The following ATXN2 variants were observed in gnomAD, a reference collection of about 807,000 sequenced individuals.
ATXN2 encodes ataxin 2, also known as ataxin-2.
A neutral mutation model predicts 138.6 loss-of-function variants in ATXN2; 37 were observed. The observed-to-expected ratio is 0.27, with a 90% CI of 0.21 to 0.35. The LOEUF (loss-of-function observed/expected upper bound fraction) is 0.35. Ranked by LOEUF, ATXN2 falls within the 10% of genes least tolerant of loss-of-function variation. The pLI is 1.00. For missense variants in ATXN2, 1,216 were observed against 1,480.3 expected, an observed-to-expected ratio of 0.82 and a Z score of 2.93; for synonymous variants, 549 against 543.7, an observed-to-expected ratio of 1.01 and a Z score of -0.13.
At position 111,528,996 on chromosome 12, in the gene ATXN2, T is replaced by TG. The variant is rs561257138; in HGVS notation, c.572-3681dup. 2.0e-5 allele frequency among the ~76,000 whole-genome samples: 3 copies of TG among 152,260 alleles called. No individual in the cohort carries two copies. The South Asian group carries it at 6.2e-4, about 32-fold the overall frequency. On this transcript the variant is annotated intron_variant, in intron 5 of 24. Transcript: ENST00000673436. ...GTTTTTGTTTTTGTTTTTTCAGAGA[T>TG]GGGGTCTTTGTCACTCATGCTGGAG...
intron 1 of ATXN2, among the ~76,000 whole-genome samples, chr12:111,556,815 C>T (rs922774016): frequency 1.7e-5 from 1 of 58,498 alleles, no homozygotes. Context: ...GACTCTGTCT[C>T]AAAAAAAAAA....
chr12:111,457,162 C>G (rs878926785), intron 22 of ATXN2, 52 bp downstream of exon 22: 1 of 1,568,440 alleles, frequency 6.4e-7, no homozygotes, highest in South Asian at 1.2e-5. Context: ...AGAAAGCACT[C>G]AGATACTAGG....
intron 13 of ATXN2, 74 bp downstream of exon 13, chr12:111,509,817 T>A (rs762298494): frequency 4.2e-5 from 50 of 1,196,402 alleles, no homozygotes; most frequent in Non-Finnish European, 5.3e-5. Flanking sequence ...ACAAAAATAT[T>A]CTGTATGGGC....
At chr12:111,596,167 G>A (rs1219783452) in intron 1 of ATXN2, among the ~76,000 whole-genome samples, 2 of 150,530 alleles carry the variant, frequency 1.3e-5, no homozygotes, top group Non-Finnish European at 2.9e-5. Context: ...TCAGGCCACT[G>A]CACTCCAGCC....
Position 111,456,056 on chromosome 12 carries a change from G to A in ATXN2, c.3243C>T (p.Asn1081=), listed in dbSNP as rs1875065194. 1 of 1,614,120 alleles carries A rather than the reference G, an allele frequency of 6.2e-7. No individual in the cohort carries two copies. The highest frequency in any genetic ancestry group is 1.7e-5 in the Admixed American group (1 of 60,006). ...GAGGTACGTGGGCCATGTGGGGTGGGTTGGTATACGCCGGCTGAACGTGAG... is the reference window on the plus strand; with the variant it reads ...GAGGTACGTGGGCCATGTGGGGTGGATTGGTATACGCCGGCTGAACGTGAG... The part of the protein sequence containing the change: ...HPSHVQPAYT[N]PPHMAHVPQA... Residue 1081 remains asparagine, a synonymous_variant, in exon 23 of 25, where the codon AAC becomes AAT. Coordinates refer to ENST00000673436, the MANE Select transcript of ATXN2 (RefSeq NM_001372574.1).
intron 1 of ATXN2, among the ~76,000 whole-genome samples, chr12:111,588,991 CAAAAAAAAA>C (rs58116265): frequency 3.6e-3 from 138 of 38,704 alleles, no homozygotes; most frequent in South Asian, 9.8e-3. Context: ...CGAGATTTCT[CAAAAAAAAA>C]AAAAAAAAAA....
At chr12:111,465,767 CAAA>C (rs61456193) in intron 20 of ATXN2, among the ~76,000 whole-genome samples, 2,705 of 35,778 alleles carry the variant, frequency 0.076, 51 homozygotes, top group African/African-American at 0.18. Flanking sequence ...GAGACTACCT[CAAA>C]AAAAAAAAAA....
chr12:111,559,598 C>A (rs573937713), intron 1 of ATXN2, among the ~76,000 whole-genome samples: 1 of 150,724 alleles, frequency 6.6e-6, no homozygotes, highest in African/African-American at 2.4e-5. Context: ...ATGGTGAAAC[C>A]CCGTTTCTAC....
intron 14 of ATXN2, among the ~76,000 whole-genome samples, chr12:111,500,762 A>T (rs2135716966): frequency 6.6e-6 from 1 of 152,306 alleles, no homozygotes; most frequent in East Asian, 1.9e-4. Context: ...AGTTCCAGCT[A>T]GTCAGGAGGC....
chr12:111,552,520 T>C lies in ATXN2; in HGVS notation c.421-90A>G, dbSNP rs1180669454. 2 of 1,337,444 alleles carry C rather than the reference T, an allele frequency of 1.5e-6. No individual in the cohort carries two copies. The highest frequency in any genetic ancestry group is 2.0e-6 in the Non-Finnish European group (2 of 992,368). 82.8% of individuals were successfully genotyped at this position (1,337,444 alleles called of 1,614,324 possible). The stretch of plus-strand genomic sequence containing the variant: ...TAGCTCATCAAGGTACCAGTTCTTA[T>C]ATGCCTTTGACAAAAATAATCTCAA... On this transcript the variant is annotated intron_variant, in intron 4 of 24. Transcript: ENST00000673436. The surrounding 1 kb of genome is among the most constrained non-coding windows in gnomAD (Gnocchi z 4.1).
At chr12:111,483,904 T>A (rs1877450648) in intron 18 of ATXN2, among the ~76,000 whole-genome samples, 1 of 152,036 alleles carries the variant, frequency 6.6e-6, no homozygotes, top group Admixed American at 6.6e-5. Context: ...CACCTCAGTC[T>A]CCCAAGTAGC....
chr12:111,505,162 T>C (rs1041377890), intron 14 of ATXN2, among the ~76,000 whole-genome samples: 7 of 152,034 alleles, frequency 4.6e-5, no homozygotes, highest in South Asian at 2.1e-4. Context: ...TGAGCCAAGA[T>C]TGCACCACTG....
At chr12:111,462,326 G>A (rs1217181225) in intron 21 of ATXN2, among the ~76,000 whole-genome samples, 1 of 152,148 alleles carries the variant, frequency 6.6e-6, no homozygotes, top group Non-Finnish European at 1.5e-5. Flanking sequence ...TCCAGAACTA[G>A]TTTCCTCAGC....
intron 1 of ATXN2, among the ~76,000 whole-genome samples, chr12:111,557,664 T>C (rs1191399902): frequency 3.9e-5 from 6 of 152,196 alleles, no homozygotes; most frequent in Non-Finnish European, 7.3e-5. Flanking sequence ...ACCAGGTGTA[T>C]CTGATTCCAC....
At chr12:111,587,685 T>A (rs1884413593) in intron 1 of ATXN2, among the ~76,000 whole-genome samples, 2 of 151,896 alleles carry the variant, frequency 1.3e-5, no homozygotes, top group African/African-American at 2.4e-5. Flanking sequence ...AAAAAACTGA[T>A]CATTGGCAAC....
chr12:111,597,908 T>C, intron 1 of ATXN2: 1 of 1,279,008 alleles, frequency 7.8e-7, no homozygotes, highest in Non-Finnish European at 1.0e-6. Flanking sequence ...GGTCCAGCCC[T>C]CACCCACCGA....
chr12:111,556,339 G>A (rs1440737572), intron 1 of ATXN2, among the ~76,000 whole-genome samples: 1 of 152,108 alleles, frequency 6.6e-6, no homozygotes, highest in African/African-American at 2.4e-5. Flanking sequence ...TCATTCCACT[G>A]CAGTCTAGCC....
intron 1 of ATXN2, chr12:111,581,560 C>T (rs973368949): frequency 3.3e-6 from 3 of 916,280 alleles, no homozygotes; most frequent in African/African-American, 1.6e-5. Flanking sequence ...TCGTCTGGTC[C>T]CTGTTCAACA....
At chr12:111,525,161 G>A in intron 6 of ATXN2, 31 bp downstream of exon 6, 1 of 1,596,030 alleles carries the variant, frequency 6.3e-7, no homozygotes, top group African/African-American at 1.3e-5. Flanking sequence ...ACTGACCAGA[G>A]TCTAGCAATA....
Sources: gnomAD v4.1 joint callset for allele counts (sites outside exome capture counted in the v4.1 genomes callset) on GRCh38, gnomAD v4.1.1 for gene constraint, Gnocchi (gnomAD v3.1) non-coding constraint, MANE v1.5 for transcripts, NCBI Gene and HGNC (gene_info 2026-07-23, HGNC 2026-07-21) for gene names.